CMIP: variants seen among roughly 807,000 people sequenced by gnomAD.
CMIP encodes the protein c-Maf inducing protein, also known as C-Maf-inducing protein.
In CMIP, 13 loss-of-function variants were observed where a neutral mutation model predicts 97.3. The observed-to-expected ratio is 0.13, with a 90% CI of 0.09 to 0.21. The LOEUF is 0.21. CMIP is among the 10% of genes least tolerant of loss of function. The pLI is 1.00. For synonymous variants in CMIP, 538 were observed against 436.3 expected (o/e 1.23, Z -2.91); for missense variants, 847 against 1,024.9 (o/e 0.83, Z 2.37).
chr16:81,607,831 A>G (rs2091769775), intron 2 of CMIP, 139 bp downstream of exon 2: 3 of 968,970 alleles, frequency 3.1e-6, no homozygotes, highest in Non-Finnish European at 4.5e-6. Context: ...CCCCAAGTAT[A>G]AGAAAGCTGT....
chr16:81,680,891 TC>T (rs1174473749), intron 10 of CMIP, among the ~76,000 whole-genome samples: 3 of 152,352 alleles, frequency 2.0e-5, no homozygotes, highest in East Asian at 1.9e-4. Flanking sequence ...GGGGCCTGAC[TC>T]CTATTTCTCA....
At chr16:81,644,924 C>T (rs577516068) in intron 3 of CMIP, among the ~76,000 whole-genome samples, 2 of 152,272 alleles carry the variant, frequency 1.3e-5, no homozygotes, top group East Asian at 3.9e-4. Context: ...ACCTCAGCAT[C>T]GATGGGTAGA....
At chr16:81,481,594 G>C (rs181490158) in intron 1 of CMIP, among the ~76,000 whole-genome samples, 21 of 152,322 alleles carry the variant, frequency 1.4e-4, no homozygotes, top group Non-Finnish European at 2.5e-4. Flanking sequence ...TGAGGTCTTG[G>C]GGGGATGGGT....
chr16:81,657,897 C>G, intron 5 of CMIP, 81 bp downstream of exon 5: 1 of 1,216,266 alleles, frequency 8.2e-7, no homozygotes, highest in Middle Eastern at 1.9e-4. Flanking sequence ...TGGGGTAATT[C>G]TGGCGCCTGC....
At chr16:81,595,200 C>T (rs1193659848) in intron 1 of CMIP, among the ~76,000 whole-genome samples, 1 of 151,914 alleles carries the variant, frequency 6.6e-6, no homozygotes, top group Non-Finnish European at 1.5e-5. Context: ...ATTTTCATCC[C>T]CCAAAATGAA....
intron 2 of CMIP, among the ~76,000 whole-genome samples, chr16:81,615,596 G>T (rs1187472606): frequency 1.3e-5 from 2 of 148,616 alleles, no homozygotes; most frequent in South Asian, 4.3e-4. Flanking sequence ...GTCTGTGTGT[G>T]TGGTGTATGT....
intron 11 of CMIP, among the ~76,000 whole-genome samples, chr16:81,692,954 G>C (rs1022656854): frequency 4.6e-5 from 7 of 152,194 alleles, no homozygotes; most frequent in Non-Finnish European, 1.0e-4. Context: ...GTGTGTTCAT[G>C]TTGCTCTGAT....
intron 3 of CMIP, among the ~76,000 whole-genome samples, chr16:81,636,402 G>T (rs1269400461): frequency 1.3e-5 from 2 of 151,902 alleles, no homozygotes; most frequent in East Asian, 3.9e-4. Flanking sequence ...GGTCAATGTG[G>T]TGAAGCCCCA....
intron 7 of CMIP, chr16:81,666,969 TGG>T (rs35053029): frequency 0.31 from 43,650 of 139,958 alleles, 6,675 homozygotes; most frequent in Non-Finnish European, 0.35. Context: ...TCAGCTGGTG[TGG>T]GGGGGGGGTC....
chr16:81,692,762 G>A (rs1043194138), intron 11 of CMIP, among the ~76,000 whole-genome samples: 3 of 152,214 alleles, frequency 2.0e-5, no homozygotes, highest in Non-Finnish European at 2.9e-5. Flanking sequence ...TGTCTTAGAA[G>A]AATGGTCCCC....
intron 1 of CMIP, among the ~76,000 whole-genome samples, chr16:81,596,125 A>G (rs2091551346): frequency 6.6e-6 from 1 of 152,144 alleles, no homozygotes; most frequent in Non-Finnish European, 1.5e-5. Context: ...CCAGGGAGAA[A>G]GTGGAGGCTC....
chr16:81,504,659 A>AG (rs1378591863), intron 1 of CMIP, among the ~76,000 whole-genome samples: 4 of 150,140 alleles, frequency 2.7e-5, no homozygotes, highest in African/African-American at 9.7e-5. Context: ...AAAAAAAAAA[A>AG]AAAAAAAGAA....
chr16:81,473,723 C>A (rs964490170), intron 1 of CMIP, among the ~76,000 whole-genome samples: 2 of 151,556 alleles, frequency 1.3e-5, no homozygotes, highest in African/African-American at 4.9e-5. Flanking sequence ...GACGCGGGGA[C>A]GCAGGGACGC....
intron 1 of CMIP, among the ~76,000 whole-genome samples, chr16:81,576,350 G>C (rs1488822574): frequency 1.3e-5 from 2 of 152,124 alleles, no homozygotes; most frequent in Non-Finnish European, 2.9e-5. Flanking sequence ...GTTGCAGTGA[G>C]CTGAGATCAC....
chr16:81,634,762 T>C (rs1005767210), intron 3 of CMIP, among the ~76,000 whole-genome samples: 1 of 152,218 alleles, frequency 6.6e-6, no homozygotes, highest in African/African-American at 2.4e-5. Flanking sequence ...TAAAGCCCTT[T>C]GTAGTAGGCG....
intron 1 of CMIP, among the ~76,000 whole-genome samples, chr16:81,446,809 A>G (rs148933038): frequency 1.8e-3 from 268 of 151,546 alleles, no homozygotes; most frequent in African/African-American, 6.1e-3. Flanking sequence ...GGGAGGGGGG[A>G]AAAGTTAGCT....
chr16:81,652,221 A>G lies in CMIP; in HGVS notation c.496A>G (p.Lys166Glu), dbSNP rs771314792. ...LQWKKKIYKY[K>E]KVLSNPSRWE... ...CAACCAGAAAAAGATTTACAAATAT[A>G]AGAAAGTGCTGAGTAACCCAAGCCG... Residue 166 changes from lysine (K) to glutamate (E), a missense_variant, in exon 4 of 21, where the codon AAG (lysine) becomes GAG (glutamate). Physicochemically the swap from Lys to Glu is moderately conservative, Grantham distance 56. Transcript: ENST00000537098. This position sits in a 1 kb window ranked among gnomAD's most constrained non-coding sequence, Gnocchi z 5.2. 1 of 1,613,174 alleles carries G rather than the reference A, an allele frequency of 6.2e-7. No individual in the cohort carries two copies. Among genetic ancestry groups the G allele is most frequent in the Non-Finnish European group, 8.5e-7 (1 of 1,179,316 alleles).
intron 1 of CMIP, among the ~76,000 whole-genome samples, chr16:81,492,179 T>C (rs2150767378): frequency 6.6e-6 from 1 of 152,360 alleles, no homozygotes; most frequent in Non-Finnish European, 1.5e-5. Flanking sequence ...TGGATATCGA[T>C]GAGGCTCTCT....
At chr16:81,485,391 A>G (rs1415523399) in intron 1 of CMIP, among the ~76,000 whole-genome samples, 2 of 152,188 alleles carry the variant, frequency 1.3e-5, no homozygotes. Flanking sequence ...GCTATTTTAC[A>G]ACTCTAATTG....
Sources: gnomAD v4.1 joint callset for allele counts (sites outside exome capture counted in the v4.1 genomes callset) on GRCh38, gnomAD v4.1.1 for gene constraint, Gnocchi (gnomAD v3.1) non-coding constraint, MANE v1.5 for transcripts, NCBI Gene and HGNC (gene_info 2026-07-23, HGNC 2026-07-21) for gene names.